Variants in TIAM2 observed in about 807,000 individuals in gnomAD.
The protein encoded by TIAM2 is TIAM Rac1 associated GEF 2.
Under a neutral mutation model 152.9 loss-of-function variants are expected in TIAM2, and 80 were observed. That is an observed-to-expected ratio of 0.52 (90% CI 0.44 to 0.63). The LOEUF is 0.63. Ranked by LOEUF, TIAM2 falls within the 30% of genes least tolerant of loss-of-function variation. The pLI is 0.00. For missense variants in TIAM2, 1,965 were observed against 2,120.1 expected (o/e 0.93, Z 1.44); for synonymous variants, 804 against 838.0 (o/e 0.96, Z 0.70).
intron 1 of TIAM2, among the ~76,000 whole-genome samples, chr6:155,051,109 C>T (rs140520217): frequency 2.1e-4 from 32 of 152,196 alleles, no homozygotes; most frequent in African/African-American, 6.7e-4. Context: ...TTTTTTGGTT[C>T]TGATTGAGAA....
At chr6:155,056,559 C>A (rs769722227) in intron 1 of TIAM2, among the ~76,000 whole-genome samples, 1 of 152,060 alleles carries the variant, frequency 6.6e-6, no homozygotes, top group Non-Finnish European at 1.5e-5. Context: ...TGCTCTTTTG[C>A]AGTTTTTTTG....
intron 14 of TIAM2, among the ~76,000 whole-genome samples, chr6:155,191,116 G>GC (rs1363522938): frequency 1.3e-5 from 2 of 152,188 alleles, no homozygotes; most frequent in Non-Finnish European, 2.9e-5. Flanking sequence ...CAAAATGCCA[G>GC]CAGTGTAGAA....
At chr6:155,166,944 T>C (rs1225306997) in intron 9 of TIAM2, among the ~76,000 whole-genome samples, 1 of 152,256 alleles carries the variant, frequency 6.6e-6, no homozygotes, top group Admixed American at 6.5e-5. Context: ...ATTTTCAATA[T>C]CATTGGAAAG....
At chr6:155,059,119 C>T (rs1777511613) in intron 1 of TIAM2, among the ~76,000 whole-genome samples, 1 of 152,204 alleles carries the variant, frequency 6.6e-6, no homozygotes, top group Non-Finnish European at 1.5e-5. Context: ...AGTTTTTCCA[C>T]TAATGTAGGT....
chr6:155,216,201 C>A (rs1781857170), intron 15 of TIAM2, among the ~76,000 whole-genome samples: 1 of 152,062 alleles, frequency 6.6e-6, no homozygotes. Flanking sequence ...CCCGCCCCAC[C>A]CCCTGTGCCA....
rs1783029165 is a variant in TIAM2 at position 155,241,413 on chromosome 6, T to C, written c.3348+704T>C. 2.6e-5 allele frequency among the ~76,000 whole-genome samples: 4 copies of C among 152,288 alleles called. No homozygotes were observed. The South Asian group carries it at 8.3e-4, about 32-fold the overall frequency. ...AGCAGCGCGGCACGGTGCGGTGGGC[T>C]GAGGGTCCAGGCCCGGCTTTGCCTC... On this transcript the variant is annotated intron_variant, in intron 16 of 26. Coordinates refer to ENST00000682666, the MANE Select transcript of TIAM2 (RefSeq NM_012454.4).
intron 1 of TIAM2, among the ~76,000 whole-genome samples, chr6:155,075,907 T>TATCATATGACATACTA (rs1323346201): frequency 6.6e-6 from 1 of 152,226 alleles, no homozygotes; most frequent in East Asian, 1.9e-4. Context: ...CTTACACTTA[T>TATCATATGACATACTA]TCATATGACA....
intron 14 of TIAM2, among the ~76,000 whole-genome samples, chr6:155,199,069 A>T (rs1201211249): frequency 6.7e-6 from 1 of 148,648 alleles, no homozygotes; most frequent in Non-Finnish European, 1.5e-5. Flanking sequence ...TAACTTCTTT[A>T]TTTTTTTTTT....
chr6:155,161,859 T>C (rs1018482166), intron 7 of TIAM2, among the ~76,000 whole-genome samples: 2 of 152,192 alleles, frequency 1.3e-5, no homozygotes, highest in Non-Finnish European at 2.9e-5. Context: ...ATTACAGACG[T>C]GAGCCATCAC....
chr6:155,164,948 C>T (rs1780381636), intron 8 of TIAM2, among the ~76,000 whole-genome samples: 2 of 152,112 alleles, frequency 1.3e-5, no homozygotes, highest in South Asian at 4.1e-4. Context: ...TTTCTCTGTC[C>T]TGCAGAGCGC....
At chr6:155,161,736 GTT>G (rs34121325) in intron 7 of TIAM2, among the ~76,000 whole-genome samples, 13 of 147,562 alleles carry the variant, frequency 8.8e-5, no homozygotes, top group East Asian at 4.1e-4. Context: ...CCTGGCTAAT[GTT>G]TTTTTTTTTT....
chr6:155,069,369 C>T (rs1201882987), intron 1 of TIAM2, among the ~76,000 whole-genome samples: 2 of 152,146 alleles, frequency 1.3e-5, no homozygotes, highest in Admixed American at 1.3e-4. Context: ...GCTGAGATTA[C>T]AGGGGTAAGC....
At chr6:155,075,753 G>C (rs1219130480) in intron 1 of TIAM2, among the ~76,000 whole-genome samples, 1 of 152,112 alleles carries the variant, frequency 6.6e-6, no homozygotes, top group African/African-American at 2.4e-5. Flanking sequence ...AAAGAATTTT[G>C]TGCATGAAAC....
chr6:155,204,463 A>G (rs1781549733), intron 14 of TIAM2, among the ~76,000 whole-genome samples: 1 of 152,184 alleles, frequency 6.6e-6, no homozygotes, highest in Admixed American at 6.5e-5. Flanking sequence ...TAATTCAAAC[A>G]AAGTATTCAA....
chr6:155,244,886 A>C, intron 18 of TIAM2, 103 bp downstream of exon 18: 1 of 1,355,108 alleles, frequency 7.4e-7, no homozygotes, highest in Non-Finnish European at 9.9e-7. Flanking sequence ...TCCTGTGACT[A>C]TTGACTATTT....
At chr6:155,059,245 A>G (rs569089066) in intron 1 of TIAM2, among the ~76,000 whole-genome samples, 2 of 150,360 alleles carry the variant, frequency 1.3e-5, no homozygotes, top group Admixed American at 1.3e-4. Flanking sequence ...GACACTTTTG[A>G]TGATTAATGA....
intron 19 of TIAM2, 100 bp from the exon 20 acceptor site, chr6:155,247,900 G>T (rs998547165): frequency 3.6e-6 from 5 of 1,401,620 alleles, no homozygotes; most frequent in Middle Eastern, 1.8e-4. Context: ...GGCATTAGGA[G>T]GACTATAGAA....
chr6:155,241,565 C>G (rs1320613213), intron 16 of TIAM2, among the ~76,000 whole-genome samples: 1 of 152,172 alleles, frequency 6.6e-6, no homozygotes, highest in Non-Finnish European at 1.5e-5. Context: ...TTGGCACACA[C>G]GTGCGGCTAT....
chr6:155,009,580 T>A (rs1422696088), intron 1 of TIAM2, among the ~76,000 whole-genome samples: 1 of 152,196 alleles, frequency 6.6e-6, no homozygotes. Context: ...TCTCAGGGTC[T>A]GGGTTTGTAT....
Sources: allele counts gnomAD v4.1 joint callset (sites outside exome capture counted in the v4.1 genomes callset), GRCh38; gene constraint gnomAD v4.1.1; transcripts MANE v1.5; gene names NCBI Gene and HGNC (gene_info 2026-07-23, HGNC 2026-07-21).